The following GPR137B variants were observed in gnomAD, a reference collection of about 807,000 sequenced individuals.
GPR137B encodes the protein G protein-coupled receptor 137B.
In GPR137B, 42 loss-of-function variants were observed where a neutral mutation model predicts 42.5. The observed-to-expected ratio is 0.99, with a 90% CI of 0.77 to 1.28. The LOEUF (loss-of-function observed/expected upper bound fraction) is 1.28. GPR137B is among the 50% of genes most tolerant of loss of function. GPR137B has a pLI of 0.00. For synonymous variants in GPR137B, 218 were observed against 209.7 expected (o/e 1.04, Z -0.34); for missense variants, 487 against 493.9 (o/e 0.99, Z 0.13).
At chr1:236,178,749 T>C (rs1662768400) in intron 3 of GPR137B, 113 bp downstream of exon 3, 1 of 603,416 alleles carries the variant, frequency 1.7e-6, no homozygotes, top group African/African-American at 1.8e-5. Context: ...CTTGACTTTC[T>C]CCGTTTTATT....
intron 2 of GPR137B, among the ~76,000 whole-genome samples, chr1:236,176,522 C>T (rs1184412748): frequency 2.0e-5 from 3 of 152,168 alleles, no homozygotes; most frequent in African/African-American, 7.2e-5. Flanking sequence ...TCATCCCACT[C>T]TCTCAGCACG....
In GPR137B at chr1:236,205,110, TTACC is replaced by T. The variant is rs776798717; in HGVS notation, c.967-14_967-11del. On this transcript the variant is annotated splice_polypyrimidine_tract_variant and intron_variant, in intron 5 of 6. Transcript: ENST00000366592. ...TGATGTCTGTAAGTATGCTGAATGA[TTACC>T]TGTCTTTCTAGACCAACCCTGGAAT... 25 of 1,608,520 alleles carry T rather than the reference TTACC, an allele frequency of 1.6e-5. No individual in the cohort carries two copies. The highest frequency in any genetic ancestry group is 2.0e-5 in the Non-Finnish European group (24 of 1,175,632).
intron 1 of GPR137B, among the ~76,000 whole-genome samples, chr1:236,160,734 G>A (rs565822548): frequency 1.1e-4 from 17 of 152,066 alleles, no homozygotes; most frequent in African/African-American, 2.7e-4. Context: ...CCCGTCAGTC[G>A]AGCCTGCCCT....
chr1:236,175,672 C>G lies in GPR137B; in HGVS notation c.465-2742C>G, dbSNP rs191076880. Among the ~76,000 whole-genome samples, 8 of 152,276 alleles carry G rather than the reference C, an allele frequency of 5.3e-5. No homozygotes were observed. The East Asian group carries it at 1.5e-3, about 29-fold the overall frequency. ...CCCATACCCCCCTCCCCTGATTCCC[C>G]CATCACTGAGAGAACATGGGGCAGA... On this transcript the variant is annotated intron_variant, in intron 2 of 6. Transcript: ENST00000366592.
chr1:236,178,852 C>T (rs913845640), intron 3 of GPR137B, among the ~76,000 whole-genome samples: 1 of 109,936 alleles, frequency 9.1e-6, no homozygotes, highest in African/African-American at 3.4e-5. Context: ...GGCTGGAGTG[C>T]AGTGGGGTGA....
At chr1:236,163,409 T>C (rs1262516062) in intron 1 of GPR137B, among the ~76,000 whole-genome samples, 1 of 152,174 alleles carries the variant, frequency 6.6e-6, no homozygotes, top group Non-Finnish European at 1.5e-5. Flanking sequence ...TTTTGGGGAC[T>C]GTTGGGAAGG....
intron 1 of GPR137B, among the ~76,000 whole-genome samples, chr1:236,145,408 G>T (rs1283940454): frequency 6.6e-6 from 1 of 152,206 alleles, no homozygotes; most frequent in Non-Finnish European, 1.5e-5. Context: ...GTATGTTTAA[G>T]AAAGCATACT....
At chr1:236,166,011 G>A (rs984962478) in intron 1 of GPR137B, among the ~76,000 whole-genome samples, 9 of 152,206 alleles carry the variant, frequency 5.9e-5, no homozygotes, top group South Asian at 4.1e-4. Context: ...TAATCCAGGC[G>A]TGCTGGACTG....
At chr1:236,162,353 A>G (rs1662226815) in intron 1 of GPR137B, among the ~76,000 whole-genome samples, 1 of 152,244 alleles carries the variant, frequency 6.6e-6, no homozygotes, top group South Asian at 2.1e-4. Context: ...GGGAAACAGA[A>G]CATAAAAATT....
chr1:236,147,272 C>T (rs73121048), intron 1 of GPR137B, among the ~76,000 whole-genome samples: 1,621 of 152,312 alleles, frequency 0.011, 33 homozygotes, highest in African/African-American at 0.036. Flanking sequence ...CACACTCTCT[C>T]GTGACTGCCA....
chr1:236,164,169 C>G (rs140492457), intron 1 of GPR137B, among the ~76,000 whole-genome samples: 8 of 152,320 alleles, frequency 5.3e-5, no homozygotes, highest in Non-Finnish European at 1.0e-4. Context: ...GGCCCAGCTT[C>G]TCCTCCTTTT....
At chr1:236,181,781 G>A (rs894292218) in intron 4 of GPR137B, among the ~76,000 whole-genome samples, 9 of 151,934 alleles carry the variant, frequency 5.9e-5, no homozygotes, top group African/African-American at 1.9e-4. Context: ...GCACTATTTT[G>A]AGGAAATCAA....
At chr1:236,207,745 G>C (rs762631490) in intron 6 of GPR137B, among the ~76,000 whole-genome samples, 1 of 152,162 alleles carries the variant, frequency 6.6e-6, no homozygotes, top group African/African-American at 2.4e-5. Flanking sequence ...GTTGTGAGCT[G>C]TACTCCATGT....
chr1:236,202,701 A>G (rs1182116971), intron 5 of GPR137B, among the ~76,000 whole-genome samples: 1 of 152,204 alleles, frequency 6.6e-6, no homozygotes, highest in African/African-American at 2.4e-5. Flanking sequence ...TCACTTCTTC[A>G]GGAAACAAAT....
chr1:236,177,076 G>A (rs548437627), intron 2 of GPR137B, among the ~76,000 whole-genome samples: 9 of 152,246 alleles, frequency 5.9e-5, no homozygotes, highest in African/African-American at 1.4e-4. Context: ...AGCAGGAGCC[G>A]GGTAGACAAA....
chr1:236,185,090 G>A (rs912142496), intron 5 of GPR137B, among the ~76,000 whole-genome samples: 2 of 152,112 alleles, frequency 1.3e-5, no homozygotes, highest in Non-Finnish European at 2.9e-5. Context: ...TAATCCCTGT[G>A]CTACACTGTA....
chr1:236,189,060 G>A (rs1045989209), intron 5 of GPR137B, among the ~76,000 whole-genome samples: 2 of 152,164 alleles, frequency 1.3e-5, no homozygotes, highest in African/African-American at 4.8e-5. Context: ...GGGTGTATGT[G>A]TCCAGGAATT....
At chr1:236,161,408 C>T (rs575930580) in intron 1 of GPR137B, among the ~76,000 whole-genome samples, 1 of 152,160 alleles carries the variant, frequency 6.6e-6, no homozygotes, top group East Asian at 1.9e-4. Flanking sequence ...CAGGTTCACA[C>T]CTCCTCATGC....
At chr1:236,162,300 T>G (rs1206082189) in intron 1 of GPR137B, among the ~76,000 whole-genome samples, 2 of 152,154 alleles carry the variant, frequency 1.3e-5, no homozygotes, top group Admixed American at 1.3e-4. Flanking sequence ...AGCAAAGCAT[T>G]TAGAGGTGAC....
Sources: gnomAD v4.1 joint callset for allele counts (sites outside exome capture counted in the v4.1 genomes callset) on GRCh38, gnomAD v4.1.1 for gene constraint, MANE v1.5 for transcripts, NCBI Gene and HGNC (gene_info 2026-07-23, HGNC 2026-07-21) for gene names.